Variants in ITPR2 observed in about 807,000 individuals in gnomAD.
ITPR2 encodes inositol 1,4,5-trisphosphate receptor type 2.
Under a neutral mutation model 317.1 loss-of-function variants are expected in ITPR2, and 207 were observed. The observed-to-expected ratio is 0.65, with a 90% CI of 0.58 to 0.73. The LOEUF (loss-of-function observed/expected upper bound fraction) is 0.73, where lower values mean the gene tolerates loss of function less well. ITPR2 is among the 30% of genes least tolerant of loss of function. ITPR2 has a pLI of 0.00. For missense variants in ITPR2, 2,613 were observed against 3,284.0 expected (o/e 0.80, Z 4.99); for synonymous variants, 1,156 against 1,149.1 (o/e 1.01, Z -0.12).
At position 26,653,968 on chromosome 12, in the gene ITPR2, A is replaced by C. The variant is rs934847339; in HGVS notation, c.2740+8T>G. ...CAATGATATTATCACATTTCCCAAAATTCTTACCTCCATCTTGAAATTTGC... is the reference window on the plus strand; with the variant it reads ...CAATGATATTATCACATTTCCCAAACTTCTTACCTCCATCTTGAAATTTGC... On this transcript the variant is annotated splice_region_variant and intron_variant, in intron 21 of 56. Coordinates refer to ENST00000381340, the MANE Select transcript of ITPR2 (RefSeq NM_002223.4). 1.9e-6 allele frequency: 3 copies of C among 1,605,280 alleles called. No homozygotes were observed. The highest frequency in any genetic ancestry group is 1.3e-5 in the African/African-American group (1 of 74,718).
At chr12:26,544,189 T>C (rs992510737) in intron 37 of ITPR2, among the ~76,000 whole-genome samples, 4 of 152,194 alleles carry the variant, frequency 2.6e-5, no homozygotes, top group African/African-American at 9.7e-5. Flanking sequence ...TAAATTTTCC[T>C]TTATTTATTT....
At chr12:26,574,881 C>T (rs1315602991) in intron 34 of ITPR2, among the ~76,000 whole-genome samples, 1 of 151,822 alleles carries the variant, frequency 6.6e-6, no homozygotes, top group Non-Finnish European at 1.5e-5. Context: ...CACTTATCAC[C>T]GAGGGGATGG....
Position 26,556,355 on chromosome 12 carries a change from C to T in ITPR2, c.4842G>A (p.Glu1614=). The T allele has an allele frequency of 1.2e-6, 2 of 1,613,582 alleles. No individual in the cohort carries two copies. Among genetic ancestry groups the T allele is most frequent in the Non-Finnish European group, 1.7e-6 (2 of 1,179,792 alleles). The part of the protein sequence containing the change: ...EKLQDVVASL[E]HQFSPMMQAE... ...CCTGCATCATTGGGCTGAACTGGTG[C>T]TCCAAGGAGGCCACTACATCCTAGG... The change falls in exon 36 of 57, where the codon GAG becomes GAA. Residue 1614 remains glutamate (E), a synonymous_variant. Coordinates refer to ENST00000381340, the MANE Select transcript of ITPR2 (RefSeq NM_002223.4).
At chr12:26,605,203 T>TA (rs1946104834) in intron 26 of ITPR2, among the ~76,000 whole-genome samples, 1 of 150,550 alleles carries the variant, frequency 6.6e-6, no homozygotes, top group Non-Finnish European at 1.5e-5. Flanking sequence ...CACAACCCAG[T>TA]GGCTAAGATG....
intron 1 of ITPR2, among the ~76,000 whole-genome samples, chr12:26,820,298 A>G (rs988221186): frequency 1.3e-5 from 2 of 152,164 alleles, no homozygotes; most frequent in Non-Finnish European, 2.9e-5. Flanking sequence ...ACTTTTTTCC[A>G]GAGAGGAACT....
chr12:26,783,104 A>G (rs1950125337), intron 2 of ITPR2, among the ~76,000 whole-genome samples: 1 of 152,224 alleles, frequency 6.6e-6, no homozygotes, highest in African/African-American at 2.4e-5. Context: ...ACTGAGTTAA[A>G]GAAGAGATTT....
At chr12:26,442,768 T>C (rs1941515947) in intron 46 of ITPR2, among the ~76,000 whole-genome samples, 1 of 152,096 alleles carries the variant, frequency 6.6e-6, no homozygotes, top group Admixed American at 6.6e-5. Flanking sequence ...GTAGGGGTTA[T>C]ATATCTTGAG....
intron 35 of ITPR2, among the ~76,000 whole-genome samples, 191 bp from the exon 36 acceptor site, chr12:26,556,566 T>TTTTG (rs370599538): frequency 0.13 from 17,730 of 135,652 alleles, 1,506 homozygotes; most frequent in Non-Finnish European, 0.2. Context: ...ATTTTTTTTT[T>TTTTG]TGTGTGTGTG....
intron 40 of ITPR2, 106 bp downstream of exon 40, chr12:26,486,962 G>A: frequency 8.8e-7 from 1 of 1,140,424 alleles, no homozygotes; most frequent in African/African-American, 1.5e-5. Flanking sequence ...CCACAGTGGG[G>A]ATAATTAAAC....
In ITPR2 at chr12:26,751,828, T is replaced by G. The variant is rs930914177; in HGVS notation, c.164-26063A>C. ...TTGCAATGAGCCAAGATGGTGCCAC[T>G]GCACTCCAGCCTGGGCGACAGAGCA... is the stretch of plus-strand genomic sequence containing the variant. On this transcript the variant is annotated intron_variant, in intron 2 of 56. Transcript: ENST00000381340. Among the ~76,000 whole-genome samples, 5 of 150,746 alleles carry G rather than the reference T, an allele frequency of 3.3e-5. No individual in the cohort carries two copies. The East Asian group carries it at 9.8e-4, about 30-fold the overall frequency.
At chr12:26,508,315 C>A (rs1419958801) in intron 37 of ITPR2, among the ~76,000 whole-genome samples, 1 of 152,142 alleles carries the variant, frequency 6.6e-6, no homozygotes, top group Non-Finnish European at 1.5e-5. Context: ...GTATCAAATA[C>A]TCATTGCTTC....
chr12:26,773,177 T>C (rs1221775343), intron 2 of ITPR2, among the ~76,000 whole-genome samples: 1 of 152,218 alleles, frequency 6.6e-6, no homozygotes, highest in Non-Finnish European at 1.5e-5. Context: ...ATGCTGCTTC[T>C]CTAAAGTGTG....
At position 26,400,219 on chromosome 12, in the gene ITPR2, T is replaced by C; in HGVS notation, c.7439A>G (p.Asp2480Gly). The change falls in exon 53 of 57, where the codon GAC becomes GGC. Residue 2480 changes from aspartate to glycine, a missense_variant. Asp to Gly is a moderately conservative substitution (Grantham distance 94). Transcript: ENST00000381340. ...GGTGACAATGCACATAAGGAGAGTGTCACACGTCCTTTCAATTCCATCTTC... is the reference window on the plus strand; with the variant it reads ...GGTGACAATGCACATAAGGAGAGTGCCACACGTCCTTTCAATTCCATCTTC... The part of the protein sequence containing the change: ...EYEDGIERTC[D>G]TLLMCIVTVL... 6.9e-6 allele frequency: 11 copies of C among 1,595,816 alleles called. No individual in the cohort carries two copies. The highest frequency in any genetic ancestry group is 9.4e-6 in the Non-Finnish European group (11 of 1,168,684).
chr12:26,739,201 G>A (rs1462116282), intron 2 of ITPR2, among the ~76,000 whole-genome samples: 1 of 152,232 alleles, frequency 6.6e-6, no homozygotes, highest in East Asian at 1.9e-4. Flanking sequence ...CTCATACACT[G>A]ATGGTATGAA....
At chr12:26,647,452 T>C (rs1022929027) in intron 21 of ITPR2, among the ~76,000 whole-genome samples, 43 of 152,346 alleles carry the variant, frequency 2.8e-4, no homozygotes, top group African/African-American at 1.0e-3. Context: ...TTAGTAGAAA[T>C]AGAAAGCTTT....
intron 28 of ITPR2, among the ~76,000 whole-genome samples, chr12:26,602,074 T>C (rs534400465): frequency 6.1e-4 from 93 of 152,280 alleles, no homozygotes; most frequent in Non-Finnish European, 1.2e-3. Context: ...CTGAAGTGGA[T>C]CTTTTTTTCA....
Position 26,663,760 on chromosome 12 carries a change from A to G in ITPR2, c.1638T>C (p.Tyr546=), listed in dbSNP as rs1256961371. Residue 546 remains tyrosine (Y), a synonymous_variant, in exon 15 of 57, where the codon TAT becomes TAC. Coordinates refer to ENST00000381340, the MANE Select transcript of ITPR2 (RefSeq NM_002223.4). ...GCCGCAGCATGTACTTGTAGGGTGC[A>G]TATCTTTGATCCCCCAGATCTTCAA... ...LRLEDLGDQR[Y]APYKYMLRLC... 1.9e-6 allele frequency: 3 copies of G among 1,614,142 alleles called. No homozygotes were observed. The highest frequency in any genetic ancestry group is 3.3e-5 in the Admixed American group (2 of 60,006).
intron 1 of ITPR2, among the ~76,000 whole-genome samples, chr12:26,799,588 C>T (rs183424115): frequency 3.4e-4 from 51 of 152,228 alleles, no homozygotes; most frequent in Admixed American, 2.2e-3. Flanking sequence ...AGGATTTGCC[C>T]GTATATTTTG....
At chr12:26,644,492 T>C (rs1174958474) in intron 21 of ITPR2, among the ~76,000 whole-genome samples, 1 of 152,120 alleles carries the variant, frequency 6.6e-6, no homozygotes, top group Non-Finnish European at 1.5e-5. Flanking sequence ...CGGTAACTTA[T>C]AAAGGAAAGA....
Sources: allele counts gnomAD v4.1 joint callset (sites outside exome capture counted in the v4.1 genomes callset), GRCh38; gene constraint gnomAD v4.1.1; transcripts MANE v1.5; gene names NCBI Gene and HGNC (gene_info 2026-07-23, HGNC 2026-07-21).